The following PLD5 variants were observed in gnomAD, a reference collection of about 807,000 sequenced individuals.
The protein encoded by PLD5 is phospholipase D family member 5.
A neutral mutation model predicts 61.1 loss-of-function variants in PLD5; 36 were observed. The observed-to-expected ratio is 0.59, with a 90% CI of 0.45 to 0.78. PLD5 has a LOEUF of 0.78. Among genes scored for constraint, PLD5 ranks in the 30% least tolerant of loss-of-function variants. The probability of loss-of-function intolerance (pLI) is 0.00; values close to 1 mark genes in which losing one functional copy is unlikely to be tolerated. For synonymous variants in PLD5, 243 were observed against 242.8 expected (o/e 1.00, Z -0.01); for missense variants, 515 against 644.4 (o/e 0.80, Z 2.17).
chr1:242,488,473 T>C (rs1668035451), intron 1 of PLD5, among the ~76,000 whole-genome samples: 1 of 152,104 alleles, frequency 6.6e-6, no homozygotes, highest in Admixed American at 6.5e-5. Flanking sequence ...AGTGAAAGAA[T>C]CCAATCTGAA....
chr1:242,522,928 A>G (rs1669325015), intron 1 of PLD5, among the ~76,000 whole-genome samples: 1 of 152,246 alleles, frequency 6.6e-6, no homozygotes, highest in South Asian at 2.1e-4. Context: ...TCAGGCCCTC[A>G]GAAAGCAGGC....
chr1:242,530,103 G>T, the PLD5 span, among the ~76,000 whole-genome samples: 1 of 152,092 alleles, frequency 6.6e-6, no homozygotes, highest in African/African-American at 2.4e-5. Context: ...CATATTGGCT[G>T]GACTGGTCTC....
chr1:242,477,954 C>T (rs778682283), intron 1 of PLD5, among the ~76,000 whole-genome samples: 12 of 152,266 alleles, frequency 7.9e-5, no homozygotes, highest in Non-Finnish European at 1.2e-4. Context: ...CATGGGTGGA[C>T]GGTATCAACC....
chr1:242,114,800 A>C (rs1661812886), intron 6 of PLD5, among the ~76,000 whole-genome samples: 1 of 152,170 alleles, frequency 6.6e-6, no homozygotes, highest in African/African-American at 2.4e-5. Flanking sequence ...GTTGCACAAA[A>C]AGAAGCTCAG....
chr1:242,258,134 G>A (rs2455535), intron 4 of PLD5, among the ~76,000 whole-genome samples: 1,526 of 152,280 alleles, frequency 0.01, 8 homozygotes, highest in Non-Finnish European at 0.013. Flanking sequence ...TATAAAAACC[G>A]ATTTGAATAA....
chr1:242,375,375 G>A (rs1236224504), intron 1 of PLD5, among the ~76,000 whole-genome samples: 1 of 152,186 alleles, frequency 6.6e-6, no homozygotes, highest in African/African-American at 2.4e-5. Flanking sequence ...CAGCCCTGCT[G>A]GCTCTGCAAG....
rs185691125 is a variant in PLD5, at chr1:242,293,194, G to T, written c.327-4664C>A. Among the ~76,000 whole-genome samples, 13 of 152,292 alleles carry T rather than the reference G, an allele frequency of 8.5e-5. No homozygotes were observed. In the East Asian group the frequency reaches 2.3e-3, roughly 27 times the overall value. ...ATGTGGAAAACATCTAATCAATCCT[G>T]GTTGGTAGAGAAAGTGAAGCAAGAG... On this transcript the variant is annotated intron_variant, in intron 2 of 9. Transcript: ENST00000536534.
rs1356643145 is a variant in PLD5, at chr1:242,167,107, AATAATAAT to A, written c.736-42450_736-42443del. 6.9e-5 allele frequency among the ~76,000 whole-genome samples: 10 copies of A among 144,166 alleles called. No homozygotes were observed. The East Asian group carries it at 8.2e-4, about 12-fold the overall frequency. The allele number at this position is 144,166 out of a possible 152,430, so 94.6% of individuals were successfully genotyped here. On this transcript the variant is annotated intron_variant, in intron 5 of 9. Coordinates refer to ENST00000536534, the MANE Select transcript of PLD5 (RefSeq NM_001372062.1). ...TAATAATAATAATAATAATAATAAT[AATAATAAT>A]AAATAGTAGCCATGTTGGCTAGTTG... is the stretch of plus-strand genomic sequence containing the variant.
chr1:242,454,481 GA>G lies in PLD5; in HGVS notation c.189+69606del, dbSNP rs1201691014. ...TTGATGTTGGCAGAGGAAAAAAAAAGAAAAAAATGAGGTCAAGGCACTGAGA... is the reference window on the plus strand; with the variant it reads ...TTGATGTTGGCAGAGGAAAAAAAAAGAAAAAATGAGGTCAAGGCACTGAGA... On this transcript the variant is annotated intron_variant, in intron 1 of 9. Coordinates refer to ENST00000536534, the MANE Select transcript of PLD5 (RefSeq NM_001372062.1). Among the ~76,000 whole-genome samples the G allele has an allele frequency of 7.9e-5, 12 of 151,660 alleles. No homozygotes were observed. The East Asian group carries it at 1.7e-3, about 22-fold the overall frequency.
At chr1:242,230,979 G>T (rs972340353) in intron 4 of PLD5, among the ~76,000 whole-genome samples, 8 of 152,030 alleles carry the variant, frequency 5.3e-5, no homozygotes, top group Non-Finnish European at 7.4e-5. Context: ...GCTATCTATA[G>T]GAATGTTTGC....
chr1:242,186,586 A>G (rs1416698056), intron 5 of PLD5, among the ~76,000 whole-genome samples: 2 of 152,240 alleles, frequency 1.3e-5, no homozygotes, highest in African/African-American at 4.8e-5. Context: ...CAGTTAAAAC[A>G]AAGAGCAAAA....
intron 1 of PLD5, among the ~76,000 whole-genome samples, chr1:242,376,165 C>T (rs1433761978): frequency 6.6e-6 from 1 of 152,198 alleles, no homozygotes; most frequent in Non-Finnish European, 1.5e-5. Flanking sequence ...TGCAGGTCTG[C>T]TGAGAAAACA....
chr1:242,172,848 T>C (rs1349447669), intron 5 of PLD5, among the ~76,000 whole-genome samples: 1 of 151,950 alleles, frequency 6.6e-6, no homozygotes, highest in African/African-American at 2.4e-5. Context: ...AATCCCTGAA[T>C]AGACCAGTAA....
At position 242,309,616 on chromosome 1, in the gene PLD5, C is replaced by T. The variant is rs893911513; in HGVS notation, c.327-21086G>A. 5.9e-5 allele frequency among the ~76,000 whole-genome samples: 9 copies of T among 151,286 alleles called. No individual in the cohort carries two copies. The South Asian group carries it at 6.3e-4, about 11-fold the overall frequency. ...CTCCAGCTTCTGACCTCAGGTGATC[C>T]GCCCACCTCGGCCTCCCAAAGTGCT... On this transcript the variant is annotated intron_variant, in intron 2 of 9. Transcript: ENST00000536534.
intron 5 of PLD5, among the ~76,000 whole-genome samples, chr1:242,168,846 G>GTTTTTTGTTTT (rs755405843): frequency 9.0e-6 from 1 of 111,266 alleles, no homozygotes; most frequent in African/African-American, 3.7e-5. Flanking sequence ...AATTAATGAA[G>GTTTTTTGTTTT]TTTTTTTTTT....
intron 5 of PLD5, among the ~76,000 whole-genome samples, chr1:242,191,287 T>C (rs1388347957): frequency 2.0e-5 from 3 of 152,112 alleles, no homozygotes; most frequent in Non-Finnish European, 4.4e-5. Flanking sequence ...AAGAAGGTAT[T>C]TAAAAGAAGG....
intron 2 of PLD5, among the ~76,000 whole-genome samples, chr1:242,339,145 A>G (rs915867948): frequency 3.9e-5 from 6 of 152,168 alleles, no homozygotes; most frequent in African/African-American, 1.4e-4. Context: ...GTAATAATAC[A>G]TATTATCTCA....
At chr1:242,158,981 A>T (rs1459482182) in intron 5 of PLD5, among the ~76,000 whole-genome samples, 1 of 152,084 alleles carries the variant, frequency 6.6e-6, no homozygotes, top group African/African-American at 2.4e-5. Flanking sequence ...CAGTTTTAGC[A>T]TGTTATCCAC....
At chr1:242,235,098 G>A (rs1358035638) in intron 4 of PLD5, among the ~76,000 whole-genome samples, 2 of 152,144 alleles carry the variant, frequency 1.3e-5, no homozygotes, top group East Asian at 1.9e-4. Flanking sequence ...GCTCTGAAAC[G>A]TGGATCTCTG....
Sources: gnomAD v4.1 joint callset for allele counts (sites outside exome capture counted in the v4.1 genomes callset) on GRCh38, gnomAD v4.1.1 for gene constraint, MANE v1.5 for transcripts, NCBI Gene and HGNC (gene_info 2026-07-23, HGNC 2026-07-21) for gene names.